The following MECOM variants were observed in gnomAD, a reference collection of about 807,000 sequenced individuals.
MECOM encodes histone-lysine N-methyltransferase MECOM.
In MECOM, 13 loss-of-function variants were observed where a neutral mutation model predicts 116.3. The observed-to-expected ratio is 0.11, with a 90% CI of 0.07 to 0.18. MECOM has a LOEUF of 0.18. MECOM is among the 10% of genes least tolerant of loss of function. The probability of loss-of-function intolerance (pLI) is 1.00; values close to 1 mark genes in which losing one functional copy is unlikely to be tolerated. For missense variants in MECOM, 1,299 were observed against 1,509.0 expected, an observed-to-expected ratio of 0.86 and a Z score of 2.31; for synonymous variants, 528 against 535.2, an observed-to-expected ratio of 0.99 and a Z score of 0.19.
chr3:169,166,553 G>C (rs1281039926), intron 2 of MECOM, among the ~76,000 whole-genome samples: 1 of 152,114 alleles, frequency 6.6e-6, no homozygotes, highest in East Asian at 1.9e-4. Flanking sequence ...GGAGTGAATA[G>C]CAATCATGCA....
chr3:169,492,796 C>T (rs1012830754), intron 1 of MECOM, among the ~76,000 whole-genome samples: 4 of 151,966 alleles, frequency 2.6e-5, no homozygotes, highest in African/African-American at 9.7e-5. Context: ...ACCCCCTCTA[C>T]TAAAAATACA....
At chr3:169,144,986 C>A in intron 2 of MECOM, 1 of 1,562,106 alleles carries the variant, frequency 6.4e-7, no homozygotes, top group South Asian at 1.2e-5. Context: ...AGATTCAAGT[C>A]ATTAACTCAC....
chr3:169,228,942 G>A (rs1350830394), intron 2 of MECOM, among the ~76,000 whole-genome samples: 1 of 152,168 alleles, frequency 6.6e-6, no homozygotes, highest in Non-Finnish European at 1.5e-5. Flanking sequence ...CTCACTGGGT[G>A]TGATAACAAT....
chr3:169,158,066 A>AC (rs138847486), intron 2 of MECOM, among the ~76,000 whole-genome samples: 18,170 of 152,120 alleles, frequency 0.12, 1,190 homozygotes, highest in Non-Finnish European at 0.14. Flanking sequence ...ATATTCCTCC[A>AC]CCCCACATCC....
chr3:169,573,556 T>C (rs2109465864), intron 1 of MECOM, among the ~76,000 whole-genome samples: 1 of 152,354 alleles, frequency 6.6e-6, no homozygotes, highest in South Asian at 2.1e-4. Flanking sequence ...TTTCTTTTCC[T>C]TGTAGCCACC....
intron 3 of MECOM, among the ~76,000 whole-genome samples, chr3:169,134,778 T>C (rs1291565512): frequency 6.6e-6 from 1 of 152,138 alleles, no homozygotes; most frequent in Non-Finnish European, 1.5e-5. Flanking sequence ...ATAAATTTAA[T>C]TTACTTTCTA....
intron 1 of MECOM, among the ~76,000 whole-genome samples, chr3:169,528,813 A>G (rs1758244780): frequency 6.6e-6 from 1 of 152,254 alleles, no homozygotes; most frequent in Non-Finnish European, 1.5e-5. Flanking sequence ...CCACCCTGGA[A>G]AATCTTAAAA....
At chr3:169,101,061 C>A (rs1723399938) in intron 11 of MECOM, 99 bp from the exon 12 acceptor site, 1 of 645,248 alleles carries the variant, frequency 1.5e-6, no homozygotes, top group African/African-American at 1.8e-5. Context: ...TTCAATTAAT[C>A]TTGCATGGAA....
intron 1 of MECOM, among the ~76,000 whole-genome samples, chr3:169,601,842 A>T (rs1418703953): frequency 6.6e-6 from 1 of 152,212 alleles, no homozygotes; most frequent in Non-Finnish European, 1.5e-5. Flanking sequence ...ATGTAGGTTA[A>T]AGGTTAAAAA....
chr3:169,177,631 T>C (rs1002800035), intron 2 of MECOM, among the ~76,000 whole-genome samples: 1 of 152,046 alleles, frequency 6.6e-6, no homozygotes. Flanking sequence ...ATAAAAAGAA[T>C]GAGGACCAGG....
chr3:169,133,994 G>T (rs1439814866), intron 3 of MECOM: 3 of 1,279,140 alleles, frequency 2.3e-6, no homozygotes, highest in African/African-American at 1.5e-5. Context: ...TGACATATTA[G>T]AACTTTTCGG....
chr3:169,165,186 T>C (rs1249579555), intron 2 of MECOM, among the ~76,000 whole-genome samples: 1 of 152,168 alleles, frequency 6.6e-6, no homozygotes, highest in East Asian at 1.9e-4. Context: ...CTCTTAAAAC[T>C]ATTAATAGAA....
At chr3:169,259,719 C>A (rs149529226) in intron 2 of MECOM, among the ~76,000 whole-genome samples, 1,680 of 152,258 alleles carry the variant, frequency 0.011, 27 homozygotes, top group African/African-American at 0.038. Flanking sequence ...CAGAGTAATA[C>A]CCTGTCTCAA....
intron 1 of MECOM, among the ~76,000 whole-genome samples, chr3:169,645,408 A>G (rs549726647): frequency 6.6e-6 from 1 of 152,300 alleles, no homozygotes; most frequent in African/African-American, 2.4e-5. Flanking sequence ...AAACCAAAAG[A>G]CAAAAGTGGC....
intron 1 of MECOM, among the ~76,000 whole-genome samples, chr3:169,476,226 T>A (rs1750348854): frequency 6.6e-6 from 1 of 152,250 alleles, no homozygotes; most frequent in South Asian, 2.1e-4. Flanking sequence ...GTGCTTTGTT[T>A]AATTTTGATG....
rs1560161706 is a variant in MECOM, at chr3:169,107,937, G to C, written c.2593C>G (p.Gln865Glu). ...AGTAGGAAACTTACCCAAGTTCTCT[G>C]ATCAGGCAGTTGGAACTGGGAGCAA... ...LFHPQFQLPD[Q>E]RTWMSAIENM... Residue 865 changes from glutamine to glutamate, a missense_variant, in exon 10 of 17, where the codon CAG (glutamine) becomes GAG (glutamate). By Grantham distance (29) the Gln-to-Glu change is conservative (BLOSUM62 2). Around this residue, in one of 6 missense-constraint regions of MECOM, gnomAD observed 340 missense variants for 312.6 expected, o/e 1.09. Coordinates refer to ENST00000651503, the MANE Select transcript of MECOM (RefSeq NM_004991.4). 1 of 1,612,682 alleles carries C rather than the reference G, an allele frequency of 6.2e-7. No homozygotes were observed. The highest frequency in any genetic ancestry group is 1.1e-5 in the South Asian group (1 of 90,822).
intron 1 of MECOM, among the ~76,000 whole-genome samples, chr3:169,619,824 C>T (rs1328079998): frequency 6.6e-6 from 1 of 152,144 alleles, no homozygotes; most frequent in Non-Finnish European, 1.5e-5. Flanking sequence ...CTTTTTAAAA[C>T]TCACACCACC....
At chr3:169,412,561 C>G (rs895642144) in intron 1 of MECOM, among the ~76,000 whole-genome samples, 34 of 152,032 alleles carry the variant, frequency 2.2e-4, no homozygotes, top group African/African-American at 8.2e-4. Flanking sequence ...TTTCCCCCTA[C>G]AGCTGACAAG....
intron 2 of MECOM, among the ~76,000 whole-genome samples, chr3:169,174,525 T>C (rs1470814714): frequency 1.3e-5 from 2 of 152,192 alleles, no homozygotes; most frequent in East Asian, 3.8e-4. Context: ...AAGAAAAATC[T>C]AGACTCAAGT....
Sources: allele counts gnomAD v4.1 joint callset (sites outside exome capture counted in the v4.1 genomes callset), GRCh38; gene constraint gnomAD v4.1.1; regional missense constraint gnomAD v4.1.1; transcripts MANE v1.5; gene names NCBI Gene and HGNC (gene_info 2026-07-23, HGNC 2026-07-21).